The following PDE8B variants were observed in gnomAD, a reference collection of about 807,000 sequenced individuals.
The protein encoded by PDE8B is high affinity cAMP-specific and IBMX-insensitive 3',5'-cyclic phosphodiesterase 8B.
A neutral mutation model predicts 101.3 loss-of-function variants in PDE8B; 26 were observed. That is an observed-to-expected ratio of 0.26 (90% CI 0.19 to 0.36). PDE8B has a LOEUF of 0.36. PDE8B is among the 10% of genes least tolerant of loss of function. The pLI is 1.00. For missense variants in PDE8B, 810 were observed against 1,163.1 expected, an observed-to-expected ratio of 0.70 and a Z score of 4.42; for synonymous variants, 424 against 429.3, an observed-to-expected ratio of 0.99 and a Z score of 0.15.
At chr5:77,407,499 TCA>T in intron 13 of PDE8B, 42 bp downstream of exon 13, 1 of 1,398,734 alleles carries the variant, frequency 7.1e-7, no homozygotes, top group Non-Finnish European at 1.0e-6. Flanking sequence ...TCAGGGGCCC[TCA>T]CACAGGGCCG....
rs1468558614 is a variant in PDE8B at position 77,418,250 on chromosome 5, G to A, written c.1933G>A (p.Glu645Lys). ...CCAGGGAAGCCTCGATCAGTTGGATGAGGTGGCAGCCCTCATTGCTGCCAC... is the reference window on the plus strand; with the variant it reads ...CCAGGGAAGCCTCGATCAGTTGGATAAGGTGGCAGCCCTCATTGCTGCCAC... ...RVKGSLDQLD[E>K]VAALIAATVH... Residue 645 changes from glutamate to lysine, a missense_variant, in exon 18 of 22, where the codon GAG becomes AAG. Physicochemically the swap from Glu to Lys is moderately conservative, Grantham distance 56 (BLOSUM62 1). Coordinates refer to ENST00000264917, the MANE Select transcript of PDE8B (RefSeq NM_003719.5). 1.2e-5 allele frequency: 19 copies of A among 1,613,102 alleles called. No individual in the cohort carries two copies. Among genetic ancestry groups the A allele is most frequent in the East Asian group, 2.2e-5 (1 of 44,876 alleles).
At chr5:77,309,943 CTTT>C (rs955296324) in intron 1 of PDE8B, among the ~76,000 whole-genome samples, 13 of 114,168 alleles carry the variant, frequency 1.1e-4, no homozygotes, top group African/African-American at 4.3e-4. Context: ...AATCATTAAT[CTTT>C]TTTTTTTTTT....
intron 1 of PDE8B, among the ~76,000 whole-genome samples, chr5:77,304,688 A>G (rs954372992): frequency 1.3e-5 from 2 of 152,232 alleles, no homozygotes; most frequent in African/African-American, 4.8e-5. Flanking sequence ...GTAATGAAAT[A>G]TGTCACTGGC....
chr5:77,423,630 TA>T (rs1316478333), intron 20 of PDE8B, among the ~76,000 whole-genome samples: 7 of 85,036 alleles, frequency 8.2e-5, no homozygotes, highest in Admixed American at 1.4e-4. Context: ...TTGTTTTGTT[TA>T]GTTTTTTTTT....
In PDE8B at chr5:77,384,752, T is replaced by A. The variant is rs555407942; in HGVS notation, c.1168-15496T>A. Among the ~76,000 whole-genome samples the A allele has an allele frequency of 1.1e-4, 16 of 152,304 alleles. 1 individual carries two copies. Among genetic ancestry groups the A allele is most frequent in the Admixed American group, 1.0e-3 (16 of 15,308 alleles). ...TAATCATGTGGTTTTTGTCATTGTT[T>A]CTGTTTATGTGATGGGTCACAGTTA... is the stretch of plus-strand genomic sequence containing the variant. On this transcript the variant is annotated intron_variant, in intron 10 of 21. Transcript: ENST00000264917.
intron 1 of PDE8B, among the ~76,000 whole-genome samples, chr5:77,214,379 C>T (rs904476668): frequency 6.6e-6 from 1 of 152,216 alleles, no homozygotes; most frequent in Non-Finnish European, 1.5e-5. Context: ...ACCAGCTCCC[C>T]GTTTTCCCTC....
chr5:77,291,510 G>C, intron 1 of PDE8B: 1 of 1,608,748 alleles, frequency 6.2e-7, no homozygotes, highest in Non-Finnish European at 8.5e-7. Context: ...GAATGAAGAA[G>C]AGGTCTTTGC....
intron 5 of PDE8B, among the ~76,000 whole-genome samples, chr5:77,332,674 C>T (rs541587142): frequency 1.6e-4 from 25 of 152,124 alleles, no homozygotes; most frequent in African/African-American, 6.0e-4. Context: ...CCTGCCCCTA[C>T]TAAAAATACA....
chr5:77,289,847 T>C (rs1488753791), intron 1 of PDE8B, among the ~76,000 whole-genome samples: 1 of 152,192 alleles, frequency 6.6e-6, no homozygotes, highest in Non-Finnish European at 1.5e-5. Flanking sequence ...GAAGTTGACA[T>C]TTGTGTTTTC....
chr5:77,176,852 C>A, the PDE8B span, among the ~76,000 whole-genome samples: 1 of 152,260 alleles, frequency 6.6e-6, no homozygotes, highest in East Asian at 1.9e-4. Flanking sequence ...GGAACTCATG[C>A]TTGGAGTTGT....
the PDE8B span, among the ~76,000 whole-genome samples, chr5:77,090,401 A>AC: frequency 1.3e-5 from 2 of 151,926 alleles, no homozygotes; most frequent in Admixed American, 1.3e-4. Context: ...AGTAGCTGGG[A>AC]CTAAGGGAAC....
chr5:77,299,936 G>A (rs1387507164), intron 1 of PDE8B, among the ~76,000 whole-genome samples: 1 of 152,200 alleles, frequency 6.6e-6, no homozygotes, highest in Non-Finnish European at 1.5e-5. Flanking sequence ...AGCTTGTGAG[G>A]CAGTCTTCTA....
chr5:77,287,085 C>T (rs1766165829), intron 1 of PDE8B, among the ~76,000 whole-genome samples: 1 of 152,112 alleles, frequency 6.6e-6, no homozygotes, highest in Admixed American at 6.6e-5. Context: ...CACAAATTTA[C>T]CTTTTCTAAA....
intron 1 of PDE8B, among the ~76,000 whole-genome samples, chr5:77,233,616 G>A (rs902211690): frequency 2.6e-5 from 4 of 151,286 alleles, no homozygotes; most frequent in Non-Finnish European, 5.9e-5. Context: ...AGCTACTGGC[G>A]TTTCAGTCTA....
chr5:77,425,901 G>A lies in PDE8B; in HGVS notation c.2548+5G>A. 1 of 1,612,936 alleles carries A rather than the reference G, an allele frequency of 6.2e-7. No individual in the cohort carries two copies. On this transcript the variant is annotated splice_donor_5th_base_variant and intron_variant, in intron 21 of 21. Coordinates refer to ENST00000264917, the MANE Select transcript of PDE8B (RefSeq NM_003719.5). ...ACATGTTTGATGCTTGGGATGGTAA[G>A]ACAGTTACTGTTTTGTCACCCAAAG...
chr5:77,142,752 T>C, the PDE8B span, among the ~76,000 whole-genome samples: 1 of 152,150 alleles, frequency 6.6e-6, no homozygotes, highest in South Asian at 2.1e-4. Flanking sequence ...TTCCCCAAAT[T>C]ATTCCCTTCA....
the PDE8B span, among the ~76,000 whole-genome samples, chr5:77,136,969 A>T: frequency 6.6e-6 from 1 of 152,198 alleles, no homozygotes; most frequent in African/African-American, 2.4e-5. Context: ...GCCTCACCCC[A>T]ACTAGTGCTC....
upstream of PDE8B, among the ~76,000 whole-genome samples, chr5:77,207,911 G>C (rs2149358155): frequency 6.6e-6 from 1 of 152,276 alleles, no homozygotes; most frequent in South Asian, 2.1e-4. Flanking sequence ...TCTGCTCTGG[G>C]AATGGGAAGA....
chr5:77,263,884 C>T (rs1028277529), intron 1 of PDE8B, among the ~76,000 whole-genome samples: 1 of 152,150 alleles, frequency 6.6e-6, no homozygotes, highest in African/African-American at 2.4e-5. Flanking sequence ...AATTTTAGAA[C>T]ATTCTTACCA....
Sources: gnomAD v4.1 joint callset for allele counts (sites outside exome capture counted in the v4.1 genomes callset) on GRCh38, gnomAD v4.1.1 for gene constraint, MANE v1.5 for transcripts, NCBI Gene and HGNC (gene_info 2026-07-23, HGNC 2026-07-21) for gene names.